Variants in CDH13 observed in about 807,000 individuals in gnomAD.
CDH13 encodes cadherin 13.
CDH13 carries 24 observed loss-of-function variants against 63.8 expected under a neutral mutation model. The observed-to-expected ratio is 0.38, with a 90% CI of 0.27 to 0.53. CDH13 has a LOEUF of 0.53. Among genes scored for constraint, CDH13 ranks in the 20% least tolerant of loss-of-function variants. The pLI is 0.85. For synonymous variants in CDH13, 503 were observed against 355.3 expected, an observed-to-expected ratio of 1.42 and a Z score of -4.67; for missense variants, 1,049 against 903.1, an observed-to-expected ratio of 1.16 and a Z score of -2.07.
intron 5 of CDH13, among the ~76,000 whole-genome samples, chr16:83,303,212 C>G (rs1163980171): frequency 6.6e-6 from 1 of 152,202 alleles, no homozygotes; most frequent in South Asian, 2.1e-4. Context: ...GAAGGTTCAC[C>G]TTCTGCCCTC....
At chr16:83,005,168 A>G (rs1356053231) in intron 2 of CDH13, among the ~76,000 whole-genome samples, 2 of 152,192 alleles carry the variant, frequency 1.3e-5, no homozygotes, top group East Asian at 3.8e-4. Flanking sequence ...TTCTATTATT[A>G]CAAGAAGACA....
chr16:82,857,956 T>C (rs17673125), intron 1 of CDH13, among the ~76,000 whole-genome samples: 16,286 of 152,162 alleles, frequency 0.11, 927 homozygotes, highest in Admixed American at 0.18. Flanking sequence ...TCCAACAGAA[T>C]AGTTCCATTT....
At chr16:83,488,264 G>T (rs2073937947) in intron 7 of CDH13, among the ~76,000 whole-genome samples, 1 of 152,186 alleles carries the variant, frequency 6.6e-6, no homozygotes, top group Non-Finnish European at 1.5e-5. Flanking sequence ...CAATGGCCTA[G>T]ACTGTATGTT....
At chr16:83,712,042 C>G (rs1908138617) in intron 10 of CDH13, among the ~76,000 whole-genome samples, 1 of 152,238 alleles carries the variant, frequency 6.6e-6, no homozygotes, top group Non-Finnish European at 1.5e-5. Flanking sequence ...AGTCTTCCCT[C>G]TCTGTCTGTC....
chr16:83,157,919 A>G (rs1173363744), intron 4 of CDH13, among the ~76,000 whole-genome samples: 1 of 152,052 alleles, frequency 6.6e-6, no homozygotes, highest in Non-Finnish European at 1.5e-5. Context: ...TCTCAAAAAA[A>G]AAGAAAGAAA....
chr16:82,690,528 T>C (rs1597332586), intron 1 of CDH13, among the ~76,000 whole-genome samples: 2 of 152,214 alleles, frequency 1.3e-5, no homozygotes, highest in South Asian at 4.2e-4. Flanking sequence ...CTATTCTGGA[T>C]AGAAAATACA....
intron 10 of CDH13, among the ~76,000 whole-genome samples, chr16:83,719,922 G>C (rs1445072044): frequency 6.6e-6 from 1 of 152,178 alleles, no homozygotes; most frequent in African/African-American, 2.4e-5. Context: ...GGACAGTGGG[G>C]TCAGACTCCA....
chr16:83,546,293 G>C (rs1284280762), intron 7 of CDH13, among the ~76,000 whole-genome samples: 2 of 152,098 alleles, frequency 1.3e-5, no homozygotes, highest in Admixed American at 1.3e-4. Context: ...CAGACTCTTG[G>C]CATCCCCAGT....
intron 2 of CDH13, among the ~76,000 whole-genome samples, chr16:83,025,005 G>A (rs1035194839): frequency 1.3e-5 from 2 of 152,146 alleles, no homozygotes; most frequent in Admixed American, 6.5e-5. Context: ...GACTAGCAAG[G>A]TACCTGACTA....
At chr16:83,423,857 A>G (rs113365292) in intron 6 of CDH13, among the ~76,000 whole-genome samples, 306 of 152,310 alleles carry the variant, frequency 2.0e-3, no homozygotes, top group African/African-American at 6.7e-3. Context: ...AGTTGTGGGG[A>G]AAGATAATTC....
chr16:83,081,730 C>T (rs888750345), intron 3 of CDH13, among the ~76,000 whole-genome samples: 17 of 152,026 alleles, frequency 1.1e-4, no homozygotes, highest in Non-Finnish European at 1.2e-4. Context: ...AAAGAGCTCG[C>T]AAGGATCATC....
chr16:83,698,511 T>C (rs533079547), intron 10 of CDH13, among the ~76,000 whole-genome samples: 1 of 152,316 alleles, frequency 6.6e-6, no homozygotes. Context: ...CACTGCTTTC[T>C]TGGAAAGTTG....
At chr16:82,627,735 G>T (rs1191080491) in intron 1 of CDH13, among the ~76,000 whole-genome samples, 1 of 152,154 alleles carries the variant, frequency 6.6e-6, no homozygotes, top group Non-Finnish European at 1.5e-5. Context: ...CAAAGGCGCC[G>T]GCGCCGGCCG....
intron 3 of CDH13, among the ~76,000 whole-genome samples, chr16:83,105,195 C>T (rs1319822165): frequency 2.0e-5 from 3 of 152,178 alleles, no homozygotes; most frequent in African/African-American, 7.2e-5. Context: ...CTGGGGCCTG[C>T]TTTCCCCAGG....
chr16:82,841,107 C>A (rs1385502813), intron 1 of CDH13, among the ~76,000 whole-genome samples: 2 of 152,218 alleles, frequency 1.3e-5, no homozygotes, highest in East Asian at 3.9e-4. Context: ...GAAATGAGGC[C>A]TGTCCATCAG....
At chr16:82,694,101 A>T (rs1037909517) in intron 1 of CDH13, among the ~76,000 whole-genome samples, 2 of 152,234 alleles carry the variant, frequency 1.3e-5, no homozygotes, top group Admixed American at 1.3e-4. Context: ...CCTGGCACTT[A>T]GTAGGTACTC....
chr16:83,182,180 TTAAC>T, intron 4 of CDH13, among the ~76,000 whole-genome samples: 1 of 152,212 alleles, frequency 6.6e-6, no homozygotes, highest in East Asian at 1.9e-4. Flanking sequence ...GAAGTGATGA[TTAAC>T]TAATCCTTCC....
At chr16:83,394,587 C>A (rs897415163) in intron 6 of CDH13, among the ~76,000 whole-genome samples, 1 of 152,126 alleles carries the variant, frequency 6.6e-6, no homozygotes, top group Non-Finnish European at 1.5e-5. Context: ...CGTTTACTCA[C>A]AAGGAATGGT....
chr16:83,578,916 C>T (rs138925518), intron 7 of CDH13, among the ~76,000 whole-genome samples: 4 of 152,310 alleles, frequency 2.6e-5, no homozygotes, highest in African/African-American at 9.6e-5. Flanking sequence ...GTTAACGTAC[C>T]TAAAGTCCTA....
Sources: gnomAD v4.1 joint callset for allele counts (sites outside exome capture counted in the v4.1 genomes callset) on GRCh38, gnomAD v4.1.1 for gene constraint, MANE v1.5 for transcripts, NCBI Gene and HGNC (gene_info 2026-07-23, HGNC 2026-07-21) for gene names.